The following DRC9 variants were observed in gnomAD, a reference collection of about 807,000 sequenced individuals.
DRC9 encodes the protein dynein regulatory complex subunit 9.
the DRC9 span, chr3:197,892,576 A>G: frequency 4.9e-4 from 771 of 1,557,902 alleles, no homozygotes; most frequent in East Asian, 3.8e-3. Context: ...CTCAGTGAGC[A>G]CCCTAATTCC....
chr3:197,910,669 A>G, the DRC9 span, among the ~76,000 whole-genome samples: 2 of 152,130 alleles, frequency 1.3e-5, no homozygotes, highest in African/African-American at 4.8e-5. Flanking sequence ...TATTCATCCA[A>G]TAGGGTTATT....
chr3:197,950,671 C>G, the DRC9 span: 1 of 520,718 alleles, frequency 1.9e-6, no homozygotes, highest in Non-Finnish European at 3.4e-6. Context: ...TGCATTTTCT[C>G]AGGCTTTTCT....
the DRC9 span, among the ~76,000 whole-genome samples, chr3:197,904,718 G>C: frequency 6.6e-6 from 1 of 152,102 alleles, no homozygotes; most frequent in African/African-American, 2.4e-5. Context: ...AAATTAGCTG[G>C]GCGTGGTGGC....
chr3:197,954,368 T>A, the DRC9 span: 20 of 585,470 alleles, frequency 3.4e-5, no homozygotes, highest in Non-Finnish European at 6.1e-5. Context: ...GGGTCTCACT[T>A]TGTCACCCAG....
chr3:197,933,002 A>G, the DRC9 span, among the ~76,000 whole-genome samples: 1 of 139,250 alleles, frequency 7.2e-6, no homozygotes, highest in Non-Finnish European at 1.5e-5. Flanking sequence ...CATATTATAT[A>G]TGTATAATAT....
chr3:197,895,987 A>AC, the DRC9 span, among the ~76,000 whole-genome samples: 1 of 148,830 alleles, frequency 6.7e-6, no homozygotes, highest in Non-Finnish European at 1.5e-5. Flanking sequence ...AAAAAAAAAA[A>AC]AAAAAATTAA....
the DRC9 span, among the ~76,000 whole-genome samples, chr3:197,934,343 C>T: frequency 1.3e-5 from 2 of 152,010 alleles, no homozygotes; most frequent in Non-Finnish European, 1.5e-5. Context: ...TGCCACCACA[C>T]CCAGCTAACT....
At chr3:197,939,107 G>T in the DRC9 span, 1 of 252,596 alleles carries the variant, frequency 4.0e-6, no homozygotes, top group South Asian at 5.4e-5. Context: ...TTCTAGGGTC[G>T]GGGGGACAGT....
At chr3:197,947,119 C>A in the DRC9 span, among the ~76,000 whole-genome samples, 2 of 152,312 alleles carry the variant, frequency 1.3e-5, no homozygotes, top group East Asian at 3.9e-4. Context: ...GCGGATTTTA[C>A]TTTCTATTTC....
the DRC9 span, among the ~76,000 whole-genome samples, chr3:197,955,052 T>C: frequency 1.9e-3 from 282 of 152,256 alleles, 1 homozygote; most frequent in African/African-American, 6.5e-3. Context: ...TCTCCTGTAA[T>C]TTTTCTCAAA....
At chr3:197,899,578 C>T in the DRC9 span, among the ~76,000 whole-genome samples, 2 of 151,926 alleles carry the variant, frequency 1.3e-5, no homozygotes, top group Admixed American at 6.6e-5. Flanking sequence ...TTTAAAAATC[C>T]ATGGTATTGA....
At chr3:197,892,721 G>T in the DRC9 span, 2 of 1,613,878 alleles carry the variant, frequency 1.2e-6, no homozygotes, top group African/African-American at 1.3e-5. Context: ...TGTCCTTATC[G>T]TATTTCTCCA....
chr3:197,904,107 TA>T, the DRC9 span, among the ~76,000 whole-genome samples: 23,132 of 67,910 alleles, frequency 0.34, 2,510 homozygotes, highest in Non-Finnish European at 0.43. Flanking sequence ...TATATATATA[TA>T]TATTTTTTTT....
the DRC9 span, among the ~76,000 whole-genome samples, chr3:197,940,860 A>C: frequency 6.6e-6 from 1 of 152,210 alleles, no homozygotes; most frequent in African/African-American, 2.4e-5. Context: ...ATATATTACT[A>C]TTTACACTAC....
the DRC9 span, chr3:197,889,421 G>A: frequency 4.9e-6 from 4 of 814,792 alleles, no homozygotes; most frequent in Non-Finnish European, 8.0e-6. Flanking sequence ...AACAGGCAGA[G>A]TGAAATTAAC....
chr3:197,933,624 T>C, the DRC9 span, among the ~76,000 whole-genome samples: 5 of 152,054 alleles, frequency 3.3e-5, no homozygotes, highest in Non-Finnish European at 7.4e-5. Flanking sequence ...GGTAGAGACT[T>C]GGTTTTTTTT....
At chr3:197,905,188 G>C in the DRC9 span, among the ~76,000 whole-genome samples, 4 of 152,142 alleles carry the variant, frequency 2.6e-5, no homozygotes, top group Non-Finnish European at 5.9e-5. Flanking sequence ...GGCGACCATA[G>C]TCAATAATTT....
chr3:197,891,089 C>G, the DRC9 span, among the ~76,000 whole-genome samples: 1 of 152,190 alleles, frequency 6.6e-6, no homozygotes, highest in African/African-American at 2.4e-5. Flanking sequence ...ATAGTCTGGG[C>G]TGATGTATAA....
the DRC9 span, chr3:197,958,727 T>C: frequency 6.6e-6 from 1 of 152,330 alleles, no homozygotes; most frequent in South Asian, 2.1e-4. Context: ...CAAAAGCAAA[T>C]ACATGCTCTT....
Sources: allele counts gnomAD v4.1 joint callset (sites outside exome capture counted in the v4.1 genomes callset), GRCh38; gene constraint gnomAD v4.1.1; transcripts MANE v1.5; gene names NCBI Gene and HGNC (gene_info 2026-07-23, HGNC 2026-07-21).